The following STON1 variants were observed in gnomAD, a reference collection of about 807,000 sequenced individuals.
STON1 encodes the protein stonin 1.
In STON1, 79 loss-of-function variants were observed where a neutral mutation model predicts 60.9. The ratio of observed to expected loss-of-function variants is 1.30; its 90% CI spans 1.08 to 1.56. The LOEUF is 1.56. Ranked by LOEUF, STON1 falls within the 40% of genes most tolerant of loss-of-function variation. STON1 has a pLI of 0.00. For synonymous variants in STON1, 363 were observed against 306.9 expected (o/e 1.18, Z -1.91); for missense variants, 1,166 against 858.9 (o/e 1.36, Z -4.47).
chr2:48,583,562 C>T (rs1378730629), intron 2 of STON1, among the ~76,000 whole-genome samples: 1 of 150,096 alleles, frequency 6.7e-6, no homozygotes, highest in Non-Finnish European at 1.5e-5. Flanking sequence ...ATAATAAAGT[C>T]AAAAACCAAA....
At position 48,580,664 on chromosome 2, in the gene STON1, A is replaced by C. The variant is rs1478780848; in HGVS notation, c.31A>C (p.Thr11Pro). MCSTNPGKWVTFDDDPAVQSS... is the reference protein window; with the variant it reads MCSTNPGKWVPFDDDPAVQSS... ...CTCCACAAATCCAGGCAAATGGGTC[A>C]CCTTTGATGATGATCCTGCTGTTCA... The change falls in exon 2 of 4, where the codon ACC (threonine) becomes CCC (proline). Residue 11 changes from threonine to proline, a missense_variant. Coordinates refer to ENST00000404752, the MANE Select transcript of STON1 (RefSeq NM_006873.4). The C allele has an allele frequency of 1.4e-6, 2 of 1,382,304 alleles. No individual in the cohort carries two copies. Among genetic ancestry groups the C allele is most frequent in the Non-Finnish European group, 1.9e-6 (2 of 1,062,476 alleles). 85.6% of individuals were successfully genotyped at this position (1,382,304 alleles called of 1,614,324 possible).
chr2:48,590,839 G>C (rs1409420658), intron 2 of STON1, among the ~76,000 whole-genome samples: 1 of 152,118 alleles, frequency 6.6e-6, no homozygotes, highest in Non-Finnish European at 1.5e-5. Flanking sequence ...TCCAGTCAAA[G>C]TATTTTGGAA....
chr2:48,547,709 A>G (rs1367685455), intron 1 of STON1, among the ~76,000 whole-genome samples: 1 of 152,224 alleles, frequency 6.6e-6, no homozygotes, highest in Non-Finnish European at 1.5e-5. Context: ...GGTCAAGTGA[A>G]AAGTGTTTAG....
intron 1 of STON1, among the ~76,000 whole-genome samples, chr2:48,535,158 C>A (rs1671371138): frequency 6.6e-6 from 1 of 151,952 alleles, no homozygotes; most frequent in African/African-American, 2.4e-5. Flanking sequence ...CCAGGGAAAG[C>A]ACCGAGGCTC....
At chr2:48,544,529 GTTTGTTTTCGTTTTTTGT>G (rs1671784480) in intron 1 of STON1, among the ~76,000 whole-genome samples, 3 of 151,956 alleles carry the variant, frequency 2.0e-5, no homozygotes, top group African/African-American at 7.2e-5. Flanking sequence ...AGTTTTTTTG[GTTTGTTTTCGTTTTTTGT>G]TTTGTTTTGT....
chr2:48,570,458 A>G (rs542823905), intron 1 of STON1, among the ~76,000 whole-genome samples: 81 of 152,338 alleles, frequency 5.3e-4, no homozygotes, highest in African/African-American at 1.9e-3. Flanking sequence ...GCTGATCACC[A>G]CTTAAAATGG....
chr2:48,558,161 G>A (rs1411777996), intron 1 of STON1, among the ~76,000 whole-genome samples: 1 of 152,190 alleles, frequency 6.6e-6, no homozygotes, highest in Non-Finnish European at 1.5e-5. Context: ...AGGCAGAGGC[G>A]GCAGTGAGCC....
chr2:48,594,253 G>A (rs1208152147), intron 3 of STON1, among the ~76,000 whole-genome samples: 1 of 152,156 alleles, frequency 6.6e-6, no homozygotes, highest in Admixed American at 6.5e-5. Context: ...TATATTATGT[G>A]TGACTGAAAT....
At position 48,558,947 on chromosome 2, in the gene STON1, G is replaced by A. The variant is rs934010137; in HGVS notation, c.-47-21640G>A. 2.1e-4 allele frequency among the ~76,000 whole-genome samples: 32 copies of A among 152,176 alleles called. 1 individual carries two copies. Among genetic ancestry groups the A allele is most frequent in the Admixed American group, 5.9e-4 (9 of 15,270 alleles). On this transcript the variant is annotated intron_variant, in intron 1 of 3. Transcript: ENST00000404752. Reference sequence around the variant, plus strand: ...TCCCTAATCCAAAATCTGAAATCTCGAAAGTTAGGACCTTTTCGAATGCTG... The same window carrying A: ...TCCCTAATCCAAAATCTGAAATCTCAAAAGTTAGGACCTTTTCGAATGCTG...
chr2:48,539,550 G>A (rs768725527), intron 1 of STON1, among the ~76,000 whole-genome samples: 16 of 152,146 alleles, frequency 1.1e-4, no homozygotes, highest in Non-Finnish European at 2.4e-4. Context: ...CACCCAGGCT[G>A]GAGTGCAGTG....
chr2:48,567,978 G>T (rs1038939621), intron 1 of STON1, among the ~76,000 whole-genome samples: 1 of 152,156 alleles, frequency 6.6e-6, no homozygotes, highest in African/African-American at 2.4e-5. Context: ...CAATGGAACC[G>T]CACAGACACA....
Position 48,582,436 on chromosome 2 carries a change from A to G in STON1, c.1803A>G (p.Ala601=). 1 of 1,614,200 alleles carries G rather than the reference A, an allele frequency of 6.2e-7. No individual in the cohort carries two copies. The highest frequency in any genetic ancestry group is 8.5e-7 in the Non-Finnish European group (1 of 1,180,030). The change falls in exon 2 of 4, where the codon GCA becomes GCG. Residue 601 remains alanine, a synonymous_variant. Transcript: ENST00000404752. ...TGAAAGCTAAAATGAACCGCCGAGC[A>G]TGTCTGGGGAGTTTACAGGAACTTG... ...KSLKAKMNRR[A]CLGSLQELES...
rs1381977677 is a variant in STON1 at position 48,557,293 on chromosome 2, G to C, written c.-47-23294G>C. On this transcript the variant is annotated intron_variant, in intron 1 of 3. Transcript: ENST00000404752. ...GGGCAGAGACGCTCCTCACCTCCCA[G>C]ACGGGGTCTCGGCCGGGCAGAGGCG... Among the ~76,000 whole-genome samples the C allele has an allele frequency of 8.9e-4, 70 of 78,692 alleles. 4 individuals carry two copies. The highest frequency in any genetic ancestry group is 1.7e-3 in the Non-Finnish European group (64 of 37,324). 51.6% of individuals were successfully genotyped at this position (78,692 alleles called of 152,430 possible).
At chr2:48,547,218 T>G (rs1003581545) in intron 1 of STON1, among the ~76,000 whole-genome samples, 1 of 152,206 alleles carries the variant, frequency 6.6e-6, no homozygotes, top group African/African-American at 2.4e-5. Flanking sequence ...AATGAAATGT[T>G]AGAAAAGATA....
At position 48,564,491 on chromosome 2, in the gene STON1, T is replaced by TCTTC. The variant is rs1672799097; in HGVS notation, c.-47-16095_-47-16092dup. Among the ~76,000 whole-genome samples, 2 of 20,410 alleles carry TCTTC rather than the reference T, an allele frequency of 9.8e-5. 1 individual carries two copies. The highest frequency in any genetic ancestry group is 2.0e-4 in the Non-Finnish European group (2 of 9,942). 13.4% of individuals were successfully genotyped at this position (20,410 alleles called of 152,430 possible). A position where few individuals can be genotyped will look rare whatever the true frequency, so the allele number is the denominator to read the frequency against. On this transcript the variant is annotated intron_variant, in intron 1 of 3. Transcript: ENST00000404752. Reference sequence around the variant, plus strand: ...TCTTCTTCTTCTTCTTTCTTCTTCTTCTTCTTCTTCTTCTTCTTCTTCTTC... The same window carrying TCTTC: ...TCTTCTTCTTCTTCTTTCTTCTTCTTCTTCCTTCTTCTTCTTCTTCTTCTTCTTC...
chr2:48,555,158 C>A (rs1318489273), intron 1 of STON1, among the ~76,000 whole-genome samples: 6 of 91,586 alleles, frequency 6.6e-5, no homozygotes, highest in African/African-American at 2.5e-4. Flanking sequence ...CATCCGATTT[C>A]TCAATCTTTT....
intron 3 of STON1, among the ~76,000 whole-genome samples, chr2:48,593,993 A>T (rs1674667099): frequency 6.6e-6 from 1 of 152,144 alleles, no homozygotes; most frequent in South Asian, 2.1e-4. Flanking sequence ...AGGGGTGTAT[A>T]GGCCCCTTTG....
intron 1 of STON1, among the ~76,000 whole-genome samples, chr2:48,546,832 T>C (rs933760074): frequency 7.2e-5 from 11 of 152,164 alleles, no homozygotes; most frequent in Non-Finnish European, 8.8e-5. Flanking sequence ...TCCCAAAATG[T>C]GGGGATTACA....
At chr2:48,582,912 A>T (rs1191140317) in intron 2 of STON1, among the ~76,000 whole-genome samples, 1 of 152,218 alleles carries the variant, frequency 6.6e-6, no homozygotes, top group Non-Finnish European at 1.5e-5. Context: ...TATAGCTGAG[A>T]TTCCCTAATT....
Sources: allele counts gnomAD v4.1 joint callset (sites outside exome capture counted in the v4.1 genomes callset), GRCh38; gene constraint gnomAD v4.1.1; transcripts MANE v1.5; gene names NCBI Gene and HGNC (gene_info 2026-07-23, HGNC 2026-07-21).